The following MRTFB variants were observed in gnomAD, a reference collection of about 807,000 sequenced individuals.
MRTFB encodes myocardin related transcription factor B.
A neutral mutation model predicts 104.2 loss-of-function variants in MRTFB; 29 were observed. The ratio of observed to expected loss-of-function variants is 0.28; its 90% CI spans 0.21 to 0.38. MRTFB has a LOEUF of 0.38. Among genes scored for constraint, MRTFB ranks in the 10% least tolerant of loss-of-function variants. MRTFB has a pLI of 1.00. For missense variants in MRTFB, 1,270 were observed against 1,341.6 expected, an observed-to-expected ratio of 0.95 and a Z score of 0.83; for synonymous variants, 535 against 519.5, an observed-to-expected ratio of 1.03 and a Z score of -0.41.
chr16:14,048,089 A>C, the MRTFB span, among the ~76,000 whole-genome samples: 2 of 152,066 alleles, frequency 1.3e-5, no homozygotes, highest in African/African-American at 4.8e-5. Flanking sequence ...AATGGGAGAA[A>C]TTGGCCAAAA....
chr16:14,045,652 C>A, the MRTFB span, among the ~76,000 whole-genome samples: 1 of 152,200 alleles, frequency 6.6e-6, no homozygotes, highest in Non-Finnish European at 1.5e-5. Flanking sequence ...TCACATTCTA[C>A]CTTCATCAGT....
At chr16:14,015,330 A>G in the MRTFB span, among the ~76,000 whole-genome samples, 2 of 152,130 alleles carry the variant, frequency 1.3e-5, no homozygotes, top group Non-Finnish European at 2.9e-5. Flanking sequence ...AGCAAAGAGA[A>G]CTTTATTTTC....
intron 3 of MRTFB, chr16:14,186,872 T>G (rs2039972215): frequency 6.3e-7 from 1 of 1,597,584 alleles, no homozygotes; most frequent in Non-Finnish European, 8.5e-7. Context: ...CAAATTAAGC[T>G]TTTCTCCTGC....
chr16:14,079,243 T>A (rs983443227), intron 1 of MRTFB, 47 bp from the exon 2 acceptor site: 1 of 336,230 alleles, frequency 3.0e-6, no homozygotes, highest in Non-Finnish European at 5.4e-6. Context: ...TTGTCTGGCA[T>A]GTAGTAGGTG....
chr16:14,237,621 T>C (rs931845865), intron 9 of MRTFB, among the ~76,000 whole-genome samples: 1 of 152,120 alleles, frequency 6.6e-6, no homozygotes, highest in Admixed American at 6.6e-5. Context: ...TGTGATCCAG[T>C]GGGAGTGATC....
the MRTFB span, among the ~76,000 whole-genome samples, chr16:14,063,818 A>G: frequency 1.3e-5 from 2 of 152,172 alleles, no homozygotes; most frequent in Non-Finnish European, 2.9e-5. Flanking sequence ...ATTCTTTTTC[A>G]TGGCTGCATA....
At position 14,216,628 on chromosome 16, in the gene MRTFB, G is replaced by A. The variant is rs577827030; in HGVS notation, c.353-498G>A. Among the ~76,000 whole-genome samples the A allele has an allele frequency of 3.9e-5, 6 of 151,956 alleles. No individual in the cohort carries two copies. The South Asian group carries it at 1.0e-3, about 27-fold the overall frequency. ...AAATTCTTAATTATGATGACCGACCGAGACACAGGGGATCAATTCAAGAAT... is the reference window on the plus strand; with the variant it reads ...AAATTCTTAATTATGATGACCGACCAAGACACAGGGGATCAATTCAAGAAT... On this transcript the variant is annotated intron_variant, in intron 6 of 16. Transcript: ENST00000571589.
intron 2 of MRTFB, among the ~76,000 whole-genome samples, chr16:14,111,991 CT>C (rs1225918061): frequency 2.6e-5 from 4 of 152,230 alleles, no homozygotes; most frequent in Non-Finnish European, 5.9e-5. Flanking sequence ...ACCATCCCCC[CT>C]GATCTCTCAA....
At chr16:14,148,084 A>G (rs1317354449) in intron 3 of MRTFB, among the ~76,000 whole-genome samples, 1 of 152,226 alleles carries the variant, frequency 6.6e-6, no homozygotes, top group Non-Finnish European at 1.5e-5. Context: ...CAGTGAATAA[A>G]CTAAAACAAA....
intron 3 of MRTFB, among the ~76,000 whole-genome samples, chr16:14,203,163 A>G (rs1195494053): frequency 6.6e-6 from 1 of 151,188 alleles, no homozygotes; most frequent in East Asian, 1.9e-4. Flanking sequence ...TTCACTCCTC[A>G]TGATCCTAAA....
At chr16:14,212,220 C>G in intron 4 of MRTFB, 134 bp from the exon 5 acceptor site, 1 of 794,424 alleles carries the variant, frequency 1.3e-6, no homozygotes, top group Non-Finnish European at 2.0e-6. Flanking sequence ...TTGCAGGTCT[C>G]CTAATGGAAC....
intron 3 of MRTFB, chr16:14,193,677 T>A (rs1437923950): frequency 6.6e-6 from 1 of 152,240 alleles, no homozygotes; most frequent in East Asian, 1.9e-4. Context: ...GCTACTCACT[T>A]GGTAAATACT....
intron 3 of MRTFB, chr16:14,200,602 A>G: frequency 6.3e-7 from 1 of 1,592,794 alleles, no homozygotes; most frequent in Non-Finnish European, 8.6e-7. Flanking sequence ...AGAATATCAC[A>G]GGTAGACTAA....
chr16:14,117,698 A>G (rs1481711881), intron 2 of MRTFB, among the ~76,000 whole-genome samples: 1 of 152,200 alleles, frequency 6.6e-6, no homozygotes, highest in Middle Eastern at 3.2e-3. Flanking sequence ...TGCAGTGCTC[A>G]GTTCTGTACC....
At chr16:14,024,203 C>T in the MRTFB span, among the ~76,000 whole-genome samples, 1 of 152,196 alleles carries the variant, frequency 6.6e-6, no homozygotes, top group South Asian at 2.1e-4. Context: ...TGTGCATTTG[C>T]TCAGCATCTA....
chr16:14,166,917 G>C (rs1369592875), intron 3 of MRTFB, among the ~76,000 whole-genome samples: 1 of 152,120 alleles, frequency 6.6e-6, no homozygotes. Context: ...TTATTGATGG[G>C]CATTTGGGTT....
intron 9 of MRTFB, among the ~76,000 whole-genome samples, chr16:14,239,806 T>C (rs2042682325): frequency 6.6e-6 from 1 of 152,252 alleles, no homozygotes; most frequent in South Asian, 2.1e-4. Context: ...ATTGGAAGCA[T>C]TTTTTCATTT....
At chr16:14,237,086 C>T (rs556573694) in intron 9 of MRTFB, among the ~76,000 whole-genome samples, 29 of 151,982 alleles carry the variant, frequency 1.9e-4, no homozygotes, top group Non-Finnish European at 3.2e-4. Flanking sequence ...GCAGGCACCG[C>T]GTGATGTCCT....
At position 14,264,786 on chromosome 16, in the gene MRTFB, G is replaced by GCA; in HGVS notation, c.*3343_*3344dup. 6.6e-6 allele frequency: 1 copy of GCA among 152,306 alleles called. No individual in the cohort carries two copies. Among genetic ancestry groups the GCA allele is most frequent in the South Asian group, 2.1e-4 (1 of 4,822 alleles). 9.4% of individuals were successfully genotyped at this position (152,306 alleles called of 1,614,324 possible). On this transcript the variant is annotated 3_prime_UTR_variant, in exon 17 of 17. Coordinates refer to ENST00000571589, the MANE Select transcript of MRTFB (RefSeq NM_001308142.2). ...TAATGAGATAGCACCTCTGAACTGT[G>GCA]CAGTCAGCATACCCTGAGTGATGGC... is the stretch of plus-strand genomic sequence containing the variant.
Sources: allele counts gnomAD v4.1 joint callset (sites outside exome capture counted in the v4.1 genomes callset), GRCh38; gene constraint gnomAD v4.1.1; transcripts MANE v1.5; gene names NCBI Gene and HGNC (gene_info 2026-07-23, HGNC 2026-07-21).